The following FBXL17 variants were observed in gnomAD, a reference collection of about 807,000 sequenced individuals.
FBXL17 encodes the protein F-box/LRR-repeat protein 17.
In FBXL17, 22 loss-of-function variants were observed where a neutral mutation model predicts 66.2. The ratio of observed to expected loss-of-function variants is 0.33; its 90% CI spans 0.24 to 0.47. FBXL17 has a LOEUF of 0.47. FBXL17 is among the 20% of genes least tolerant of loss of function. FBXL17 has a pLI of 1.00. For synonymous variants in FBXL17, 474 were observed against 400.5 expected, an observed-to-expected ratio of 1.18 and a Z score of -2.19; for missense variants, 878 against 948.2, an observed-to-expected ratio of 0.93 and a Z score of 0.97.
intron 4 of FBXL17, among the ~76,000 whole-genome samples, chr5:108,294,186 C>A (rs1375124238): frequency 6.9e-6 from 1 of 145,608 alleles, no homozygotes; most frequent in African/African-American, 2.5e-5. Flanking sequence ...AAGAAAACTA[C>A]ATATCAACAG....
At chr5:108,328,212 A>G (rs1253819567) in intron 4 of FBXL17, among the ~76,000 whole-genome samples, 1 of 152,160 alleles carries the variant, frequency 6.6e-6, no homozygotes, top group Non-Finnish European at 1.5e-5. Flanking sequence ...CCAAGTATAT[A>G]GTATTGAACA....
intron 4 of FBXL17, among the ~76,000 whole-genome samples, chr5:108,302,633 C>T (rs538204030): frequency 1.3e-5 from 2 of 151,758 alleles, no homozygotes; most frequent in South Asian, 4.2e-4. Flanking sequence ...GTTAATTTTA[C>T]TATATTTAAA....
intron 4 of FBXL17, among the ~76,000 whole-genome samples, chr5:108,323,709 C>A (rs1759724679): frequency 6.6e-6 from 1 of 151,964 alleles, no homozygotes; most frequent in Non-Finnish European, 1.5e-5. Flanking sequence ...CACAAAGCTA[C>A]AGTAATACAA....
chr5:108,055,020 A>G (rs1332369637), intron 6 of FBXL17, among the ~76,000 whole-genome samples: 1 of 152,112 alleles, frequency 6.6e-6, no homozygotes, highest in African/African-American at 2.4e-5. Flanking sequence ...AGAGTTTTAA[A>G]GACACTGAAA....
chr5:107,978,504 C>T (rs964358081), intron 7 of FBXL17, among the ~76,000 whole-genome samples: 1 of 152,174 alleles, frequency 6.6e-6, no homozygotes, highest in African/African-American at 2.4e-5. Flanking sequence ...CTGTAGATAA[C>T]ATCACTATTG....
intron 3 of FBXL17, among the ~76,000 whole-genome samples, chr5:108,359,823 G>T (rs1188181627): frequency 1.3e-5 from 2 of 152,058 alleles, no homozygotes; most frequent in Non-Finnish European, 2.9e-5. Context: ...TCATGGTACT[G>T]TTCATCCTCT....
intron 6 of FBXL17, among the ~76,000 whole-genome samples, chr5:108,137,361 G>A (rs981376087): frequency 3.9e-5 from 6 of 152,080 alleles, no homozygotes; most frequent in African/African-American, 1.4e-4. Context: ...TCTCTCATAC[G>A]TTATTTGGAA....
chr5:107,992,131 T>C (rs1312098897), intron 7 of FBXL17, among the ~76,000 whole-genome samples: 1 of 151,894 alleles, frequency 6.6e-6, no homozygotes, highest in African/African-American at 2.4e-5. Flanking sequence ...AAATGACTTC[T>C]AAATCTATAC....
chr5:108,380,914 G>A lies in FBXL17; in HGVS notation c.778C>T (p.Pro260Ser), dbSNP rs1749824472. The change falls in exon 1 of 9, where the codon CCT becomes TCT. Residue 260 changes from proline to serine, a missense_variant. By Grantham distance (74) the Pro-to-Ser change is moderately conservative. Coordinates refer to ENST00000542267, the MANE Select transcript of FBXL17 (RefSeq NM_001163315.3). Reference protein sequence around the residue: ...APEQPPQPLCPPPSSPTSEGA... With the variant: ...APEQPPQPLCSPPSSPTSEGA... ...TCGGAGGTGGGAGAAGAGGGCGGAGGGCAGAGCGGCTGCGGGGGCTGCTCC... is the reference window on the plus strand; with the variant it reads ...TCGGAGGTGGGAGAAGAGGGCGGAGAGCAGAGCGGCTGCGGGGGCTGCTCC... 6.5e-6 allele frequency: 8 copies of A among 1,227,364 alleles called. No individual in the cohort carries two copies. Among genetic ancestry groups the A allele is most frequent in the South Asian group, 4.1e-5 (1 of 24,216 alleles). The allele number at this position is 1,227,364 out of a possible 1,614,324, so 76.0% of individuals were successfully genotyped here. A position where few individuals can be genotyped will look rare whatever the true frequency, so the allele number is the denominator to read the frequency against.
intron 4 of FBXL17, among the ~76,000 whole-genome samples, chr5:108,252,797 A>C (rs1397525276): frequency 1.3e-5 from 2 of 152,170 alleles, no homozygotes; most frequent in Admixed American, 6.5e-5. Context: ...GGCAAACATT[A>C]TTTCACCCCA....
chr5:107,869,291 T>G (rs923215556), intron 8 of FBXL17, among the ~76,000 whole-genome samples: 24 of 152,200 alleles, frequency 1.6e-4, no homozygotes, highest in Non-Finnish European at 2.9e-5. Flanking sequence ...TCTGGGAAAC[T>G]GTAGCAGATA....
intron 6 of FBXL17, among the ~76,000 whole-genome samples, chr5:108,047,904 T>C (rs543739113): frequency 2.6e-5 from 4 of 151,748 alleles, no homozygotes; most frequent in South Asian, 2.1e-4. Flanking sequence ...ACAAATGGGG[T>C]TCCCCCCAGC....
chr5:108,176,398 T>C lies in FBXL17; in HGVS notation c.1745+9719A>G, dbSNP rs190207152. Among the ~76,000 whole-genome samples the C allele has an allele frequency of 8.0e-4, 122 of 152,292 alleles. 1 individual carries two copies. Among genetic ancestry groups the C allele is most frequent in the African/African-American group, 2.8e-3 (118 of 41,580 alleles). ...CATCCAGAAATATCCGTAATATGAT[T>C]CTATGGGAGCTCTTAATTACTACTA... On this transcript the variant is annotated intron_variant, in intron 6 of 8. Transcript: ENST00000542267.
In FBXL17 at chr5:108,062,825, CA is replaced by C. The variant is rs1407299729; in HGVS notation, c.1746-41825del. Among the ~76,000 whole-genome samples, 10 of 152,060 alleles carry C rather than the reference CA, an allele frequency of 6.6e-5. 1 individual carries two copies. In the East Asian group the frequency reaches 1.2e-3, roughly 18 times the overall value. On this transcript the variant is annotated intron_variant, in intron 6 of 8. Transcript: ENST00000542267. ...AAAGAAGTAACTGCAAAAACATAAA[CA>C]AGATAAAATTATCAGATTTCCAAAG...
intron 6 of FBXL17, among the ~76,000 whole-genome samples, chr5:108,163,388 CTTT>C (rs35783752): frequency 7.8e-6 from 1 of 128,012 alleles, no homozygotes; most frequent in Non-Finnish European, 1.6e-5. Flanking sequence ...GACATGAAAA[CTTT>C]TTTTTTTCTT....
At position 108,205,395 on chromosome 5, in the gene FBXL17, C is replaced by T. The variant is rs141293092; in HGVS notation, c.1614+18726G>A. 1.8e-3 allele frequency among the ~76,000 whole-genome samples: 267 copies of T among 152,230 alleles called. 1 individual carries two copies. The highest frequency in any genetic ancestry group is 6.2e-3 in the African/African-American group (259 of 41,528). ...CATACCACTATCATTCTTGACAAAA[C>T]TAACAATAATACTTTGTTATCATTC... On this transcript the variant is annotated intron_variant, in intron 5 of 8. Coordinates refer to ENST00000542267, the MANE Select transcript of FBXL17 (RefSeq NM_001163315.3).
chr5:108,336,704 A>G (rs886595219), intron 4 of FBXL17, among the ~76,000 whole-genome samples: 9 of 152,266 alleles, frequency 5.9e-5, no homozygotes, highest in Admixed American at 5.9e-4. Context: ...AAATCTACCT[A>G]ATTCTTAAAA....
At chr5:108,300,209 G>T (rs1461428018) in intron 4 of FBXL17, among the ~76,000 whole-genome samples, 1 of 151,678 alleles carries the variant, frequency 6.6e-6, no homozygotes, top group East Asian at 1.9e-4. Flanking sequence ...TGATACTAAA[G>T]AACTCCATTT....
intron 4 of FBXL17, chr5:108,298,579 ATGT>A: frequency 2.1e-6 from 2 of 951,248 alleles, no homozygotes; most frequent in Non-Finnish European, 2.5e-6. Context: ...ATGGGAAACA[ATGT>A]TGTAACTGTA....
Sources: gnomAD v4.1 joint callset for allele counts (sites outside exome capture counted in the v4.1 genomes callset) on GRCh38, gnomAD v4.1.1 for gene constraint, MANE v1.5 for transcripts, NCBI Gene and HGNC (gene_info 2026-07-23, HGNC 2026-07-21) for gene names.